RAD51B: variants seen among roughly 807,000 people sequenced by gnomAD.
RAD51B encodes DNA repair protein RAD51 homolog 2.
A neutral mutation model predicts 42.2 loss-of-function variants in RAD51B; 38 were observed. The ratio of observed to expected loss-of-function variants is 0.90; its 90% CI spans 0.70 to 1.18. The LOEUF (loss-of-function observed/expected upper bound fraction) is 1.18, where lower values mean the gene tolerates loss of function less well. Among genes scored for constraint, RAD51B ranks in the 50% most tolerant of loss-of-function variants. The pLI is 0.00. For synonymous variants in RAD51B, 154 were observed against 145.2 expected, an observed-to-expected ratio of 1.06 and a Z score of -0.43; for missense variants, 373 against 400.7, an observed-to-expected ratio of 0.93 and a Z score of 0.59.
At chr14:67,903,118 A>C (rs1442088015) in intron 7 of RAD51B, among the ~76,000 whole-genome samples, 1 of 152,136 alleles carries the variant, frequency 6.6e-6, no homozygotes, top group Admixed American at 6.5e-5. Flanking sequence ...TCTGCCTCCC[A>C]AAGTGCTGGG....
intron 7 of RAD51B, among the ~76,000 whole-genome samples, chr14:68,088,362 G>A (rs2077033482): frequency 6.6e-6 from 1 of 151,718 alleles, no homozygotes; most frequent in African/African-American, 2.4e-5. Context: ...GACCAATTTG[G>A]ATCGCTGTCA....
chr14:67,984,070 C>G (rs1439240998), intron 7 of RAD51B, among the ~76,000 whole-genome samples: 1 of 152,038 alleles, frequency 6.6e-6, no homozygotes, highest in Non-Finnish European at 1.5e-5. Context: ...TCCCGAGTAG[C>G]TGGGACAACA....
chr14:68,163,863 T>C (rs560168834), intron 7 of RAD51B, among the ~76,000 whole-genome samples: 70 of 152,292 alleles, frequency 4.6e-4, no homozygotes, highest in Admixed American at 1.2e-3. Flanking sequence ...AGAATGCAAG[T>C]TCCTTTGTCA....
chr14:68,603,924 C>T (rs550510190), intron 10 of RAD51B, among the ~76,000 whole-genome samples: 30 of 152,366 alleles, frequency 2.0e-4, no homozygotes, highest in Non-Finnish European at 2.8e-4. Context: ...TTCTTCAGCC[C>T]CTGCCTGCTG....
At chr14:67,913,212 TTG>T (rs1566955154) in intron 7 of RAD51B, among the ~76,000 whole-genome samples, 1 of 152,200 alleles carries the variant, frequency 6.6e-6, no homozygotes, top group Non-Finnish European at 1.5e-5. Flanking sequence ...GTTTTACCTA[TTG>T]CTGTATCATC....
chr14:68,432,821 T>TTGA (rs1335428980), intron 9 of RAD51B, among the ~76,000 whole-genome samples: 7 of 152,266 alleles, frequency 4.6e-5, no homozygotes, highest in African/African-American at 1.7e-4. Context: ...TGCTCATTAG[T>TTGA]TGATGCAGTT....
intron 7 of RAD51B, among the ~76,000 whole-genome samples, chr14:67,991,143 C>T (rs1410418257): frequency 1.3e-5 from 2 of 152,118 alleles, no homozygotes; most frequent in African/African-American, 2.4e-5. Context: ...CCCACTGCTG[C>T]AGTAGCCTGG....
intron 8 of RAD51B, among the ~76,000 whole-genome samples, chr14:68,304,318 C>T (rs1002153376): frequency 6.6e-6 from 1 of 152,156 alleles, no homozygotes; most frequent in African/African-American, 2.4e-5. Flanking sequence ...CAATTATCAC[C>T]CTCAATTTAG....
At chr14:68,513,421 A>G (rs1371949885) in intron 10 of RAD51B, among the ~76,000 whole-genome samples, 1 of 152,266 alleles carries the variant, frequency 6.6e-6, no homozygotes, top group African/African-American at 2.4e-5. Flanking sequence ...CCTGTGAGTC[A>G]TATAAGCCCC....
chr14:68,132,482 T>C (rs1386718776), intron 7 of RAD51B, among the ~76,000 whole-genome samples: 5 of 152,202 alleles, frequency 3.3e-5, no homozygotes, highest in African/African-American at 1.2e-4. Flanking sequence ...ACAGGCTGTA[T>C]TGTGAGTTAT....
At chr14:68,002,687 C>G (rs1382325721) in intron 7 of RAD51B, among the ~76,000 whole-genome samples, 2 of 152,082 alleles carry the variant, frequency 1.3e-5, no homozygotes, top group Non-Finnish European at 1.5e-5. Flanking sequence ...TTTAATTAAT[C>G]TCGAGTTGAT....
intron 9 of RAD51B, among the ~76,000 whole-genome samples, chr14:68,433,128 G>C (rs1339016022): frequency 6.6e-6 from 1 of 152,198 alleles, no homozygotes; most frequent in East Asian, 1.9e-4. Flanking sequence ...CTGTTAGTTT[G>C]ATGGGCTTCC....
At chr14:68,217,840 GT>G (rs2079847809) in intron 7 of RAD51B, among the ~76,000 whole-genome samples, 1 of 152,170 alleles carries the variant, frequency 6.6e-6, no homozygotes, top group Non-Finnish European at 1.5e-5. Context: ...TAAAGTGTTT[GT>G]TACTTAACTT....
At chr14:68,185,366 A>G (rs1320380650) in intron 7 of RAD51B, among the ~76,000 whole-genome samples, 2 of 152,188 alleles carry the variant, frequency 1.3e-5, no homozygotes, top group South Asian at 2.1e-4. Context: ...TGAATTCATC[A>G]TTTCAGTTTG....
chr14:68,510,538 G>T (rs1885658007), intron 10 of RAD51B, among the ~76,000 whole-genome samples: 1 of 152,204 alleles, frequency 6.6e-6, no homozygotes. Flanking sequence ...GGGGGCTCTG[G>T]CTGGTTGTGT....
chr14:68,581,393 G>C (rs1890202096), intron 10 of RAD51B, among the ~76,000 whole-genome samples: 1 of 152,206 alleles, frequency 6.6e-6, no homozygotes, highest in African/African-American at 2.4e-5. Context: ...AGGTGGGCTA[G>C]GCTCAGCTGT....
intron 9 of RAD51B, among the ~76,000 whole-genome samples, chr14:68,458,608 T>C (rs907579655): frequency 5.9e-5 from 9 of 151,462 alleles, no homozygotes; most frequent in Non-Finnish European, 1.2e-4. Flanking sequence ...TATGAGGAAA[T>C]AGGATCTTAT....
At chr14:68,641,617 C>G (rs980095929) in intron 10 of RAD51B, among the ~76,000 whole-genome samples, 2 of 125,964 alleles carry the variant, frequency 1.6e-5, no homozygotes, top group Admixed American at 1.5e-4. Flanking sequence ...AGGAAATTCC[C>G]CTGTATTTCT....
At chr14:68,670,480 G>A (rs1318142114) in intron 11 of RAD51B, among the ~76,000 whole-genome samples, 1 of 152,156 alleles carries the variant, frequency 6.6e-6, no homozygotes, top group Non-Finnish European at 1.5e-5. Flanking sequence ...CAAGGAGAGG[G>A]CACTAGGCCA....
Sources: gnomAD v4.1 joint callset for allele counts (sites outside exome capture counted in the v4.1 genomes callset) on GRCh38, gnomAD v4.1.1 for gene constraint, MANE v1.5 for transcripts, NCBI Gene and HGNC (gene_info 2026-07-23, HGNC 2026-07-21) for gene names.